Variants in VPS35L observed in about 807,000 individuals in gnomAD.
VPS35L encodes the protein VPS35 endosomal protein sorting factor like.
In VPS35L, 83 loss-of-function variants were observed where a neutral mutation model predicts 133.0. The ratio of observed to expected loss-of-function variants is 0.62; its 90% CI spans 0.52 to 0.75. VPS35L has a LOEUF of 0.75. Among genes scored for constraint, VPS35L ranks in the 30% least tolerant of loss-of-function variants. The pLI is 0.00. For missense variants in VPS35L, 1,083 were observed against 1,206.8 expected (o/e 0.90, Z 1.52); for synonymous variants, 423 against 449.9 (o/e 0.94, Z 0.76).
At chr16:19,663,005 TA>T (rs1249031223) in intron 26 of VPS35L, among the ~76,000 whole-genome samples, 59 of 151,758 alleles carry the variant, frequency 3.9e-4, no homozygotes, top group African/African-American at 1.4e-3. Context: ...AAAATAATAA[TA>T]ATTATAATGA....
At chr16:19,593,723 C>T (rs1355010324) in intron 8 of VPS35L, among the ~76,000 whole-genome samples, 6 of 151,966 alleles carry the variant, frequency 3.9e-5, no homozygotes, top group African/African-American at 1.4e-4. Flanking sequence ...TCAAGACCAG[C>T]CTGGCCAACA....
At chr16:19,585,593 C>T (rs1344974218) in intron 7 of VPS35L, among the ~76,000 whole-genome samples, 1 of 151,642 alleles carries the variant, frequency 6.6e-6, no homozygotes, top group Non-Finnish European at 1.5e-5. Context: ...TTTGTAGAGA[C>T]AGGGCCATGC....
chr16:19,667,130 ATTTTTGTATTT>A (rs1459787825), intron 26 of VPS35L, among the ~76,000 whole-genome samples: 1 of 151,734 alleles, frequency 6.6e-6, no homozygotes, highest in Non-Finnish European at 1.5e-5. Context: ...TGCCCAGCTA[ATTTTTGTATTT>A]TTAGTACAGA....
intron 19 of VPS35L, among the ~76,000 whole-genome samples, chr16:19,635,967 T>C (rs1240091763): frequency 6.6e-6 from 1 of 152,220 alleles, no homozygotes; most frequent in Non-Finnish European, 1.5e-5. Flanking sequence ...GCGGATTGCT[T>C]GAGCCCAGGA....
At chr16:19,632,878 G>A (rs1973500882) in intron 18 of VPS35L, among the ~76,000 whole-genome samples, 1 of 152,270 alleles carries the variant, frequency 6.6e-6, no homozygotes, top group Non-Finnish European at 1.5e-5. Context: ...CTTTTGAGAA[G>A]AGCGTTTAGT....
Position 19,700,385 on chromosome 16 carries a change from C to T in VPS35L, c.2801C>T (p.Thr934Met), listed in dbSNP as rs375668427. The T allele has an allele frequency of 2.4e-5, 39 of 1,613,582 alleles. No individual in the cohort carries two copies. In the African/African-American group the frequency reaches 4.7e-4, roughly 19 times the overall value. ...CTTTCTTTTTCCTCATAGGTGAAAA[C>T]GCTAGAATACATCAAGAAGCAAAGC... Reference protein sequence around the residue: ...GCADTRTMVKTLEYIKKQSKQ... With the variant: ...GCADTRTMVKMLEYIKKQSKQ... The change falls in exon 31 of 31, where the codon ACG becomes ATG. Residue 934 changes from threonine (T) to methionine (M), a missense_variant. Physicochemically the swap from Thr to Met is moderately conservative, Grantham distance 81. Coordinates refer to ENST00000417362, the MANE Select transcript of VPS35L (RefSeq NM_020314.7).
intron 24 of VPS35L, among the ~76,000 whole-genome samples, chr16:19,648,899 T>C (rs930283553): frequency 3.4e-5 from 5 of 148,002 alleles, no homozygotes; most frequent in African/African-American, 1.2e-4. Context: ...AAAAAAAAGT[T>C]AGGTTCAGAC....
chr16:19,659,270 C>T (rs1030533833), intron 26 of VPS35L, among the ~76,000 whole-genome samples: 9 of 152,038 alleles, frequency 5.9e-5, no homozygotes, highest in African/African-American at 1.4e-4. Context: ...GTAGTATCTC[C>T]GAGGTAGGAG....
At chr16:19,635,294 G>A (rs1973589951) in intron 19 of VPS35L, among the ~76,000 whole-genome samples, 1 of 152,152 alleles carries the variant, frequency 6.6e-6, no homozygotes, top group South Asian at 2.1e-4. Context: ...GCTGCAGTGA[G>A]CTATGATAGC....
chr16:19,617,084 G>A (rs1469222811), intron 14 of VPS35L: 6 of 607,338 alleles, frequency 9.9e-6, no homozygotes, highest in Non-Finnish European at 1.8e-5. Flanking sequence ...TGGTGGCTGG[G>A]TGTGCTCATA....
At chr16:19,595,887 T>C (rs1355771806) in intron 8 of VPS35L, among the ~76,000 whole-genome samples, 37 of 152,202 alleles carry the variant, frequency 2.4e-4, no homozygotes, top group Admixed American at 2.4e-3. Flanking sequence ...GGTTCATGCC[T>C]GTAATCCCAG....
chr16:19,589,927 C>T (rs1051870507), intron 7 of VPS35L, among the ~76,000 whole-genome samples: 7 of 152,138 alleles, frequency 4.6e-5, no homozygotes, highest in Non-Finnish European at 1.0e-4. Context: ...CCCTAGGAAC[C>T]GAGAACTGTG....
intron 9 of VPS35L, among the ~76,000 whole-genome samples, chr16:19,603,555 G>C (rs534617106): frequency 2.0e-5 from 3 of 151,968 alleles, no homozygotes; most frequent in Middle Eastern, 3.4e-3. Flanking sequence ...TTTTTCTTTG[G>C]GACCCTCCAC....
chr16:19,587,031 T>G (rs1422523185), intron 7 of VPS35L, among the ~76,000 whole-genome samples: 1 of 151,956 alleles, frequency 6.6e-6, no homozygotes, highest in African/African-American at 2.4e-5. Flanking sequence ...CTCAGGAAAC[T>G]TAAAATCGTG....
chr16:19,655,055 T>G (rs979025787), intron 26 of VPS35L, among the ~76,000 whole-genome samples: 1 of 152,214 alleles, frequency 6.6e-6, no homozygotes, highest in African/African-American at 2.4e-5. Flanking sequence ...AGTTTCTCCC[T>G]GTTGTGCTTC....
intron 14 of VPS35L, among the ~76,000 whole-genome samples, chr16:19,622,768 A>T (rs1386367980): frequency 6.6e-6 from 1 of 152,072 alleles, no homozygotes; most frequent in Non-Finnish European, 1.5e-5. Flanking sequence ...GGTCTTTAAG[A>T]ATGACTTTTC....
intron 24 of VPS35L, among the ~76,000 whole-genome samples, chr16:19,648,894 A>T (rs67748379): frequency 1.4e-5 from 2 of 144,834 alleles, no homozygotes; most frequent in Non-Finnish European, 1.5e-5. Flanking sequence ...AAAAAAAAAA[A>T]AAGTTAGGTT....
chr16:19,682,543 A>G (rs1975322364), intron 28 of VPS35L, among the ~76,000 whole-genome samples, 153 bp downstream of exon 28: 1 of 152,162 alleles, frequency 6.6e-6, no homozygotes. Context: ...CTGATCTAAG[A>G]TTTACCTGGA....
In VPS35L at chr16:19,669,159, G is replaced by A; in HGVS notation, c.2222-1G>A. On this transcript the variant is annotated splice_acceptor_variant, in intron 26 of 30. Transcript: ENST00000417362. LOFTEE classifies it high-confidence loss of function. ...ACTGACTTTTATCTTCTGTCTTGCA[G>A]CTGATGCTTTTTTCAAAGCCGCTAT... is the stretch of plus-strand genomic sequence containing the variant. 1 of 1,601,882 alleles carries A rather than the reference G, an allele frequency of 6.2e-7. No individual in the cohort carries two copies.
Sources: allele counts gnomAD v4.1 joint callset (sites outside exome capture counted in the v4.1 genomes callset), GRCh38; gene constraint gnomAD v4.1.1; transcripts MANE v1.5; gene names NCBI Gene and HGNC (gene_info 2026-07-23, HGNC 2026-07-21).